The following DCC variants were observed in gnomAD, a reference collection of about 807,000 sequenced individuals.
DCC encodes DCC netrin 1 receptor.
A neutral mutation model predicts 172.5 loss-of-function variants in DCC; 58 were observed. The observed-to-expected ratio is 0.34, with a 90% CI of 0.27 to 0.42. DCC has a LOEUF of 0.42. DCC is among the 10% of genes least tolerant of loss of function. DCC has a pLI of 1.00. For missense variants in DCC, 1,740 were observed against 1,791.0 expected (o/e 0.97, Z 0.51); for synonymous variants, 709 against 644.5 (o/e 1.10, Z -1.52).
At chr18:53,448,070 T>TTTA (rs1555673139) in intron 22 of DCC, among the ~76,000 whole-genome samples, 1 of 150,172 alleles carries the variant, frequency 6.7e-6, no homozygotes, top group African/African-American at 2.4e-5. Flanking sequence ...TTTTTTTTTT[T>TTTA]ACAAAAGCAA....
At chr18:52,867,167 G>T (rs1752424331) in intron 2 of DCC, among the ~76,000 whole-genome samples, 1 of 152,172 alleles carries the variant, frequency 6.6e-6, no homozygotes, top group Non-Finnish European at 1.5e-5. Context: ...TTCTGTTTAT[G>T]TGATGAATTA....
At chr18:53,461,681 C>G (rs142081912) in intron 24 of DCC, among the ~76,000 whole-genome samples, 2 of 152,172 alleles carry the variant, frequency 1.3e-5, no homozygotes, top group African/African-American at 4.8e-5. Context: ...ATTGCATAAA[C>G]AAGAAATACA....
intron 7 of DCC, among the ~76,000 whole-genome samples, 169 bp downstream of exon 7, chr18:53,066,335 T>C (rs939185031): frequency 8.0e-6 from 1 of 124,526 alleles, no homozygotes; most frequent in Admixed American, 8.6e-5. Context: ...CTCTAGAAAA[T>C]TGTGTGTGTA....
chr18:53,296,950 T>A (rs2057074580), intron 12 of DCC, among the ~76,000 whole-genome samples: 1 of 152,144 alleles, frequency 6.6e-6, no homozygotes, highest in African/African-American at 2.4e-5. Context: ...TAAAAAAGGC[T>A]TTTTGCTAGA....
chr18:53,495,495 C>A (rs1325495981), intron 26 of DCC, among the ~76,000 whole-genome samples: 1 of 152,040 alleles, frequency 6.6e-6, no homozygotes, highest in African/African-American at 2.4e-5. Context: ...CGCTGATAGT[C>A]TGATGGGCTT....
At chr18:53,446,078 A>G (rs1912579808) in intron 22 of DCC, among the ~76,000 whole-genome samples, 1 of 131,946 alleles carries the variant, frequency 7.6e-6, no homozygotes, top group Non-Finnish European at 1.6e-5. Context: ...CCTGGGCAAC[A>G]TAAGAAGACC....
intron 2 of DCC, among the ~76,000 whole-genome samples, chr18:52,823,558 C>CTG (rs2038449354): frequency 8.5e-6 from 1 of 118,260 alleles, no homozygotes; most frequent in South Asian, 3.3e-4. Flanking sequence ...CTTGAGGCTA[C>CTG]CTGCTATTTT....
chr18:52,599,602 C>T (rs1598945344), intron 1 of DCC, among the ~76,000 whole-genome samples: 1 of 152,168 alleles, frequency 6.6e-6, no homozygotes, highest in East Asian at 1.9e-4. Flanking sequence ...GCAACCTCTG[C>T]CTCCTGGGTT....
chr18:53,317,200 A>C (rs762875334), intron 13 of DCC, among the ~76,000 whole-genome samples: 8 of 152,300 alleles, frequency 5.3e-5, no homozygotes, highest in African/African-American at 1.9e-4. Context: ...TATGGAGGTA[A>C]TCATGTAGGT....
intron 3 of DCC, among the ~76,000 whole-genome samples, chr18:52,922,195 T>G (rs2040137061): frequency 6.6e-6 from 1 of 152,170 alleles, no homozygotes; most frequent in Non-Finnish European, 1.5e-5. Flanking sequence ...GTATTTATTT[T>G]TGTTGCTGGA....
At chr18:53,021,410 A>G (rs1310140861) in intron 5 of DCC, among the ~76,000 whole-genome samples, 3 of 152,184 alleles carry the variant, frequency 2.0e-5, no homozygotes, top group African/African-American at 4.8e-5. Flanking sequence ...GACTATTATT[A>G]TATCGTGTTC....
intron 7 of DCC, among the ~76,000 whole-genome samples, chr18:53,125,786 A>G (rs2043547381): frequency 6.6e-6 from 1 of 152,136 alleles, no homozygotes; most frequent in African/African-American, 2.4e-5. Context: ...CTTCTTTTAT[A>G]CTACCATTGA....
intron 12 of DCC, among the ~76,000 whole-genome samples, chr18:53,279,569 G>A (rs534160621): frequency 3.1e-4 from 46 of 149,774 alleles, no homozygotes; most frequent in African/African-American, 1.1e-3. Flanking sequence ...AATGGGTGCA[G>A]CACACCAACA....
intron 25 of DCC, among the ~76,000 whole-genome samples, chr18:53,476,067 T>A (rs1387298870): frequency 2.0e-5 from 3 of 152,228 alleles, no homozygotes; most frequent in Admixed American, 6.5e-5. Context: ...GTAGCCCCTT[T>A]GTTTTGGTTA....
rs1342441714 is a variant in DCC, at chr18:53,526,677, G to A, written c.4172G>A (p.Arg1391Lys). Reference sequence around the variant, plus strand: ...TCCCTTGGGTTGGCTGGAAAAGCAAGATCCCCTTTGCTTCCTGTGTCTGTG... The same window carrying A: ...TCCCTTGGGTTGGCTGGAAAAGCAAAATCCCCTTTGCTTCCTGTGTCTGTG... ...TASLGLAGKA[R>K]SPLLPVSVPT... Residue 1391 changes from arginine (R) to lysine (K), a missense_variant, in exon 28 of 29, where the codon AGA (arginine) becomes AAA (lysine). By Grantham distance (26) the Arg-to-Lys change is conservative (BLOSUM62 2). Around this residue, in one of 2 missense-constraint regions of DCC, gnomAD observed 1,732 missense variants for 1,767.4 expected, o/e 0.98. Transcript: ENST00000442544. 3 of 1,613,568 alleles carry A rather than the reference G, an allele frequency of 1.9e-6. No individual in the cohort carries two copies. In the Admixed American group the frequency reaches 5.0e-5, roughly 27 times the overall value.
intron 1 of DCC, among the ~76,000 whole-genome samples, chr18:52,650,228 C>A (rs1181323019): frequency 6.6e-6 from 1 of 152,084 alleles, no homozygotes; most frequent in Non-Finnish European, 1.5e-5. Flanking sequence ...ATCTGCCTGC[C>A]TCAGCCTCCT....
At chr18:52,564,576 G>A (rs2033110412) in intron 1 of DCC, among the ~76,000 whole-genome samples, 1 of 149,714 alleles carries the variant, frequency 6.7e-6, no homozygotes, top group African/African-American at 2.5e-5. Flanking sequence ...AGTAACTTCA[G>A]TAATAGAAGG....
At chr18:52,948,313 TGTGTG>T (rs543571248) in intron 5 of DCC, among the ~76,000 whole-genome samples, 815 of 38,546 alleles carry the variant, frequency 0.021, 7 homozygotes, top group African/African-American at 0.076. Flanking sequence ...ACAGTGTTGA[TGTGTG>T]TGTGTGTGTG....
At position 53,410,661 on chromosome 18, in the gene DCC, C is replaced by G; in HGVS notation, c.3130+15C>G. 6.9e-7 allele frequency: 1 copy of G among 1,444,150 alleles called. No homozygotes were observed. The highest frequency in any genetic ancestry group is 9.8e-7 in the Non-Finnish European group (1 of 1,022,434). 89.5% of individuals were successfully genotyped at this position (1,444,150 alleles called of 1,614,324 possible). ...GACTCTGAAAGGTTTGAATAATTTC[C>G]TATTATGCTTTTCTTTTCCTGTGGG... is the stretch of plus-strand genomic sequence containing the variant. On this transcript the variant is annotated intron_variant, in intron 20 of 28. Transcript: ENST00000442544.
Sources: allele counts gnomAD v4.1 joint callset (sites outside exome capture counted in the v4.1 genomes callset), GRCh38; gene constraint gnomAD v4.1.1; regional missense constraint gnomAD v4.1.1; transcripts MANE v1.5; gene names NCBI Gene and HGNC (gene_info 2026-07-23, HGNC 2026-07-21).